The following DOCK9 variants were observed in gnomAD, a reference collection of about 807,000 sequenced individuals.
DOCK9 encodes dedicator of cytokinesis protein 9.
Under a neutral mutation model 263.3 loss-of-function variants are expected in DOCK9, and 89 were observed. The ratio of observed to expected loss-of-function variants is 0.34; its 90% confidence interval spans 0.28 to 0.40. The LOEUF (loss-of-function observed/expected upper bound fraction) is 0.40. DOCK9 is among the 10% of genes least tolerant of loss of function. DOCK9 has a pLI of 1.00. For synonymous variants in DOCK9, 976 were observed against 973.1 expected (o/e 1.00, Z -0.06); for missense variants, 2,140 against 2,603.4 (o/e 0.82, Z 3.87).
chr13:98,860,226 T>C (rs1013581639), intron 33 of DOCK9, 179 bp downstream of exon 33: 12 of 1,436,662 alleles, frequency 8.4e-6, no homozygotes, highest in Non-Finnish European at 1.1e-5. Context: ...GGACCTTTAT[T>C]TCAGGGCATG....
At chr13:98,864,053 T>G (rs2093952516) in intron 30 of DOCK9, among the ~76,000 whole-genome samples, 1 of 152,218 alleles carries the variant, frequency 6.6e-6, no homozygotes, top group South Asian at 2.1e-4. Context: ...GTCTATATAC[T>G]CCATTAAAAC....
chr13:99,020,441 G>A lies in DOCK9; in HGVS notation c.130-64890C>T, dbSNP rs150179005. Among the ~76,000 whole-genome samples the A allele has an allele frequency of 1.1e-3, 166 of 152,146 alleles. 1 individual carries two copies. The highest frequency in any genetic ancestry group is 1.5e-3 in the African/African-American group (62 of 41,518). On this transcript the variant is annotated intron_variant, in intron 1 of 32. Transcript: ENST00000427887. ...GGCTGCACAACCCCCCAGAAAGCCCGCACAGAAAATAAATTCAGGTTAAGA... is the reference window on the plus strand; with the variant it reads ...GGCTGCACAACCCCCCAGAAAGCCCACACAGAAAATAAATTCAGGTTAAGA...
chr13:98,887,813 GTTA>G (rs1321970154), intron 18 of DOCK9, among the ~76,000 whole-genome samples: 17 of 151,842 alleles, frequency 1.1e-4, no homozygotes, highest in South Asian at 2.1e-4. Context: ...TTGTTGATCA[GTTA>G]TTATTATTTC....
At chr13:98,835,278 G>A (rs184015405) in intron 39 of DOCK9, among the ~76,000 whole-genome samples, 29 of 152,328 alleles carry the variant, frequency 1.9e-4, no homozygotes, top group African/African-American at 6.5e-4. Flanking sequence ...CTCACTCACT[G>A]TTATATCTCT....
chr13:99,059,310 A>G (rs1448502843), intron 1 of DOCK9, among the ~76,000 whole-genome samples: 1 of 152,288 alleles, frequency 6.6e-6, no homozygotes, highest in East Asian at 1.9e-4. Flanking sequence ...CCACGGGTCC[A>G]GCTGTGGCAT....
At chr13:98,971,892 A>T (rs1384079243) in intron 1 of DOCK9, among the ~76,000 whole-genome samples, 4 of 152,220 alleles carry the variant, frequency 2.6e-5, no homozygotes, top group African/African-American at 9.6e-5. Flanking sequence ...CATTGTCTTC[A>T]TGCTATTCAA....
chr13:98,809,541 T>C (rs544312756), intron 46 of DOCK9, 76 bp from the exon 47 acceptor site: 87 of 1,264,582 alleles, frequency 6.9e-5, no homozygotes, highest in Non-Finnish European at 8.9e-5. Context: ...AATGTGATAA[T>C]GGAGGTGAAA....
intron 27 of DOCK9, among the ~76,000 whole-genome samples, chr13:98,872,848 A>C (rs576794310): frequency 6.6e-6 from 1 of 152,294 alleles, no homozygotes; most frequent in African/African-American, 2.4e-5. Flanking sequence ...AGGGAACATA[A>C]TTAACTCCTG....
intron 15 of DOCK9, among the ~76,000 whole-genome samples, chr13:98,889,453 C>T (rs1206250508): frequency 3.9e-5 from 6 of 152,190 alleles, no homozygotes; most frequent in African/African-American, 1.4e-4. Context: ...TCTTAGGCTC[C>T]AGTGTCCAGC....
chr13:98,986,341 G>A (rs1878435762), intron 1 of DOCK9, among the ~76,000 whole-genome samples: 1 of 152,234 alleles, frequency 6.6e-6, no homozygotes, highest in East Asian at 1.9e-4. Flanking sequence ...ACAGCAATTA[G>A]CTATCTAGCA....
chr13:98,892,058 AT>A (rs1423159831), intron 15 of DOCK9, among the ~76,000 whole-genome samples: 2 of 152,216 alleles, frequency 1.3e-5, no homozygotes, highest in African/African-American at 2.4e-5. Context: ...CCTATATTCT[AT>A]GCAAAATTTA....
chr13:98,946,045 C>A (rs1184842676), intron 2 of DOCK9, among the ~76,000 whole-genome samples: 10 of 152,128 alleles, frequency 6.6e-5, no homozygotes, highest in Non-Finnish European at 1.5e-4. Context: ...GCGGGGGAGA[C>A]AGGAGCCCAA....
At chr13:98,967,265 A>C (rs528501371) in intron 1 of DOCK9, among the ~76,000 whole-genome samples, 2 of 152,374 alleles carry the variant, frequency 1.3e-5, no homozygotes, top group South Asian at 4.1e-4. Flanking sequence ...GTGCCTGGAC[A>C]GTGCACGAAT....
chr13:99,065,157 G>A (rs953158421), intron 1 of DOCK9, among the ~76,000 whole-genome samples: 1 of 152,182 alleles, frequency 6.6e-6, no homozygotes, highest in African/African-American at 2.4e-5. Flanking sequence ...TGTGTGGAGA[G>A]AGGAAGGAGG....
chr13:98,982,449 T>C (rs556846407), upstream of DOCK9, among the ~76,000 whole-genome samples: 23 of 152,330 alleles, frequency 1.5e-4, no homozygotes, highest in African/African-American at 5.1e-4. Flanking sequence ...TCCTTCTCAG[T>C]TAACCCTCTG....
At chr13:98,945,836 G>C (rs547402105) in intron 2 of DOCK9, among the ~76,000 whole-genome samples, 50 of 152,328 alleles carry the variant, frequency 3.3e-4, no homozygotes, top group African/African-American at 1.2e-3. Context: ...ACATATACCA[G>C]TGTGAGAGGC....
chr13:99,005,820 T>C (rs1883237676), intron 1 of DOCK9, among the ~76,000 whole-genome samples: 1 of 152,158 alleles, frequency 6.6e-6, no homozygotes, highest in African/African-American at 2.4e-5. Flanking sequence ...AAAGCAGGCC[T>C]GGACAATATA....
chr13:98,812,091 T>C (rs146271113), intron 45 of DOCK9, among the ~76,000 whole-genome samples: 79 of 151,726 alleles, frequency 5.2e-4, no homozygotes, highest in African/African-American at 1.4e-3. Context: ...TTTTGTTCCA[T>C]TGATATATGT....
At chr13:98,896,696 G>A (rs2047487597) in intron 15 of DOCK9, among the ~76,000 whole-genome samples, 3 of 152,174 alleles carry the variant, frequency 2.0e-5, no homozygotes. Context: ...CAGCAAAACA[G>A]CATAGAGGTT....
Sources: allele counts gnomAD v4.1 joint callset (sites outside exome capture counted in the v4.1 genomes callset), GRCh38; gene constraint gnomAD v4.1.1; transcripts MANE v1.5; gene names NCBI Gene and HGNC (gene_info 2026-07-23, HGNC 2026-07-21).